ERC2: variants seen among roughly 807,000 people sequenced by gnomAD.
ERC2 encodes ELKS/RAB6-interacting/CAST family member 2.
ERC2 carries 42 observed loss-of-function variants against 114.8 expected under a neutral mutation model. That is an observed-to-expected ratio of 0.37 (90% confidence interval 0.29 to 0.47). The LOEUF (loss-of-function observed/expected upper bound fraction) is 0.47, where lower values mean the gene tolerates loss of function less well. ERC2 is among the 20% of genes least tolerant of loss of function. The pLI is 0.99. For missense variants in ERC2, 939 were observed against 1,150.7 expected (o/e 0.82, Z 2.66); for synonymous variants, 454 against 425.5 (o/e 1.07, Z -0.82).
At chr3:56,375,606 G>C (rs2059510412) in intron 2 of ERC2, among the ~76,000 whole-genome samples, 1 of 152,122 alleles carries the variant, frequency 6.6e-6, no homozygotes, top group African/African-American at 2.4e-5. Context: ...AATAATAAAG[G>C]TAGAGGAACA....
chr3:56,219,932 A>T (rs1014170386), intron 3 of ERC2, among the ~76,000 whole-genome samples: 3 of 152,224 alleles, frequency 2.0e-5, no homozygotes, highest in South Asian at 2.1e-4. Context: ...ACCATTGCCC[A>T]CACGTGGCTG....
intron 14 of ERC2, among the ~76,000 whole-genome samples, chr3:55,761,002 C>G (rs1045046991): frequency 6.6e-6 from 1 of 152,184 alleles, no homozygotes; most frequent in Non-Finnish European, 1.5e-5. Flanking sequence ...AATGAAGACA[C>G]AGAGATGTCC....
intron 10 of ERC2, among the ~76,000 whole-genome samples, chr3:56,005,592 T>C (rs1015473089): frequency 4.6e-5 from 7 of 152,046 alleles, no homozygotes; most frequent in Middle Eastern, 6.3e-3. Flanking sequence ...CATGTACCTA[T>C]AGAAATAATA....
chr3:55,802,992 G>C (rs140178178), intron 14 of ERC2, among the ~76,000 whole-genome samples: 1 of 152,168 alleles, frequency 6.6e-6, no homozygotes, highest in Admixed American at 6.5e-5. Context: ...AGAATGAAAA[G>C]TTCGCTCATG....
chr3:56,395,515 A>G lies in ERC2; in HGVS notation c.657+38836T>C, dbSNP rs376156101. On this transcript the variant is annotated intron_variant, in intron 2 of 17. Transcript: ENST00000288221. ...TGATGGAAGGTGTTTGGATCCCTCA[A>G]AGCATGGTGCTGTCTTCGCAATAGT... 2.6e-5 allele frequency among the ~76,000 whole-genome samples: 4 copies of G among 152,056 alleles called. No individual in the cohort carries two copies. The East Asian group carries it at 5.8e-4, about 22-fold the overall frequency.
At chr3:56,207,343 A>G (rs1428642201) in intron 3 of ERC2, among the ~76,000 whole-genome samples, 1 of 152,152 alleles carries the variant, frequency 6.6e-6, no homozygotes, top group African/African-American at 2.4e-5. Flanking sequence ...CCCACACATT[A>G]TAGAGCTATT....
At chr3:55,603,147 G>A (rs1012462443) in intron 17 of ERC2, among the ~76,000 whole-genome samples, 4 of 152,188 alleles carry the variant, frequency 2.6e-5, no homozygotes, top group African/African-American at 9.7e-5. Context: ...CTACCTCCAT[G>A]ACTTCTCTGT....
chr3:56,296,656 A>G (rs1417691087), intron 2 of ERC2, among the ~76,000 whole-genome samples: 1 of 152,188 alleles, frequency 6.6e-6, no homozygotes, highest in Non-Finnish European at 1.5e-5. Context: ...TTGAGAGAAG[A>G]GAAATGCACA....
At chr3:55,999,593 A>T (rs1192531038) in intron 10 of ERC2, among the ~76,000 whole-genome samples, 1 of 151,952 alleles carries the variant, frequency 6.6e-6, no homozygotes, top group Non-Finnish European at 1.5e-5. Context: ...CCTAGCTATG[A>T]TAACTGATTA....
intron 10 of ERC2, among the ~76,000 whole-genome samples, chr3:55,993,513 T>A (rs1441181161): frequency 6.6e-6 from 1 of 151,948 alleles, no homozygotes; most frequent in Non-Finnish European, 1.5e-5. Context: ...AGAAAAAAAA[T>A]TCAAAAATTA....
chr3:56,230,429 TG>T (rs1218188583), intron 3 of ERC2, among the ~76,000 whole-genome samples: 1 of 152,124 alleles, frequency 6.6e-6, no homozygotes, highest in Non-Finnish European at 1.5e-5. Flanking sequence ...GGGGGTTTTT[TG>T]TTTGTTTTTT....
chr3:56,107,606 C>T (rs531478801), intron 6 of ERC2, among the ~76,000 whole-genome samples: 16 of 152,304 alleles, frequency 1.1e-4, no homozygotes, highest in Non-Finnish European at 2.2e-4. Context: ...AGAGCTAAAG[C>T]ACTCGGAAAC....
At position 56,080,692 on chromosome 3, in the gene ERC2, T is replaced by A; in HGVS notation, c.1641+125A>T. 3.2e-6 allele frequency: 3 copies of A among 935,170 alleles called. No homozygotes were observed. In the Admixed American group the frequency reaches 8.4e-5, roughly 26 times the overall value. 57.9% of individuals were successfully genotyped at this position (935,170 alleles called of 1,614,324 possible). ...ACTACCAGTAAGTGAAACACCAGTA[T>A]GAAAATCAGCCTATTCTTCCTAAAG... On this transcript the variant is annotated intron_variant, in intron 7 of 17. Transcript: ENST00000288221.
At chr3:56,111,459 C>T (rs1170562877) in intron 6 of ERC2, among the ~76,000 whole-genome samples, 1 of 151,866 alleles carries the variant, frequency 6.6e-6, no homozygotes, top group Non-Finnish European at 1.5e-5. Context: ...CCTCCTCCTG[C>T]CTTTGGTGTT....
At chr3:55,903,334 T>C (rs897644903) in intron 13 of ERC2, among the ~76,000 whole-genome samples, 2 of 152,256 alleles carry the variant, frequency 1.3e-5, no homozygotes, top group Non-Finnish European at 2.9e-5. Flanking sequence ...AACATAACTC[T>C]GCATCAAATG....
intron 14 of ERC2, among the ~76,000 whole-genome samples, chr3:55,769,485 C>T (rs886900355): frequency 2.0e-5 from 3 of 151,782 alleles, no homozygotes; most frequent in African/African-American, 7.3e-5. Flanking sequence ...AAGGTATATA[C>T]AAGCAGAGGA....
At chr3:55,795,270 A>G (rs1416278127) in intron 14 of ERC2, among the ~76,000 whole-genome samples, 2 of 152,120 alleles carry the variant, frequency 1.3e-5, no homozygotes, top group African/African-American at 4.8e-5. Context: ...GGATGGTACA[A>G]TGCCTTCAGT....
chr3:56,121,836 G>C (rs141751772), intron 6 of ERC2, among the ~76,000 whole-genome samples: 142 of 152,234 alleles, frequency 9.3e-4, no homozygotes, highest in African/African-American at 3.3e-3. Flanking sequence ...CAATGTTTGA[G>C]GCTTACCGTG....
chr3:55,977,956 G>A (rs1441315612), intron 12 of ERC2, among the ~76,000 whole-genome samples: 1 of 152,164 alleles, frequency 6.6e-6, no homozygotes, highest in East Asian at 1.9e-4. Flanking sequence ...GTAGAACAGT[G>A]TGAATTACAT....
Sources: allele counts gnomAD v4.1 joint callset (sites outside exome capture counted in the v4.1 genomes callset), GRCh38; gene constraint gnomAD v4.1.1; transcripts MANE v1.5; gene names NCBI Gene and HGNC (gene_info 2026-07-23, HGNC 2026-07-21).